KCNIP4: variants seen among roughly 807,000 people sequenced by gnomAD.
KCNIP4 encodes Kv channel-interacting protein 4.
A neutral mutation model predicts 34.0 loss-of-function variants in KCNIP4; 12 were observed. The observed-to-expected ratio is 0.35, with a 90% CI of 0.23 to 0.57. The LOEUF (loss-of-function observed/expected upper bound fraction) is 0.57. Ranked by LOEUF, KCNIP4 falls within the 20% of genes least tolerant of loss-of-function variation. KCNIP4 has a pLI of 0.83. For missense variants in KCNIP4, 238 were observed against 311.7 expected, an observed-to-expected ratio of 0.76 and a Z score of 1.78; for synonymous variants, 124 against 102.2, an observed-to-expected ratio of 1.21 and a Z score of -1.29.
intron 1 of KCNIP4, among the ~76,000 whole-genome samples, chr4:21,706,497 TA>T (rs1484743062): frequency 6.6e-6 from 1 of 152,066 alleles, no homozygotes; most frequent in Non-Finnish European, 1.5e-5. Flanking sequence ...ATATTTCTCC[TA>T]ATTGCATTTT....
chr4:20,861,832 T>G (rs1722228690), intron 2 of KCNIP4, among the ~76,000 whole-genome samples: 1 of 152,104 alleles, frequency 6.6e-6, no homozygotes, highest in South Asian at 2.1e-4. Flanking sequence ...TGAAATAGAT[T>G]GTCTCTACCT....
chr4:21,714,799 A>G (rs1254349744), intron 1 of KCNIP4, among the ~76,000 whole-genome samples: 2 of 4,594 alleles, frequency 4.4e-4, no homozygotes, highest in African/African-American at 2.4e-3. Context: ...ATTTTATTTT[A>G]TTTTATTTTA....
intron 1 of KCNIP4, among the ~76,000 whole-genome samples, chr4:21,864,116 T>C (rs939539249): frequency 2.0e-5 from 3 of 152,222 alleles, no homozygotes; most frequent in Non-Finnish European, 4.4e-5. Context: ...CATGAACTCA[T>C]TGTCATAATA....
At chr4:20,912,308 A>C (rs147077584) in intron 1 of KCNIP4, among the ~76,000 whole-genome samples, 109 of 152,276 alleles carry the variant, frequency 7.2e-4, no homozygotes, top group African/African-American at 2.1e-3. Context: ...CACACACACA[A>C]AAAATTAGAG....
intron 1 of KCNIP4, among the ~76,000 whole-genome samples, chr4:21,636,654 A>G (rs1407418631): frequency 3.9e-5 from 6 of 152,194 alleles, no homozygotes; most frequent in African/African-American, 1.4e-4. Context: ...AAGTTCACCT[A>G]AGAAACTCCC....
At chr4:21,280,928 A>G (rs1762735158) in intron 1 of KCNIP4, among the ~76,000 whole-genome samples, 1 of 152,124 alleles carries the variant, frequency 6.6e-6, no homozygotes, top group Non-Finnish European at 1.5e-5. Context: ...TGCTCCAGTC[A>G]TTATGTTGTT....
At chr4:21,113,720 C>A (rs1334120064) in intron 1 of KCNIP4, among the ~76,000 whole-genome samples, 1 of 152,060 alleles carries the variant, frequency 6.6e-6, no homozygotes, top group Non-Finnish European at 1.5e-5. Context: ...GGATTTTCCA[C>A]AATGTGGAAT....
At chr4:21,701,043 T>C (rs1295847637) in intron 1 of KCNIP4, among the ~76,000 whole-genome samples, 1 of 152,186 alleles carries the variant, frequency 6.6e-6, no homozygotes, top group Non-Finnish European at 1.5e-5. Flanking sequence ...AAATGTGGTA[T>C]ATATACACAT....
intron 1 of KCNIP4, among the ~76,000 whole-genome samples, chr4:21,259,920 T>TGTGTGTGCGC (rs755266993): frequency 6.7e-6 from 1 of 150,078 alleles, no homozygotes; most frequent in African/African-American, 2.5e-5. Flanking sequence ...TGTGTGTGTG[T>TGTGTGTGCGC]GCACGTGCGC....
At chr4:20,871,728 G>T (rs901090312) in intron 2 of KCNIP4, among the ~76,000 whole-genome samples, 5 of 152,058 alleles carry the variant, frequency 3.3e-5, no homozygotes, top group African/African-American at 1.2e-4. Context: ...TCAAACATTT[G>T]CCCAGGGATA....
chr4:21,567,421 C>G (rs895751858), intron 1 of KCNIP4, among the ~76,000 whole-genome samples: 14 of 151,982 alleles, frequency 9.2e-5, no homozygotes, highest in African/African-American at 3.1e-4. Flanking sequence ...CTGCCACCCC[C>G]TCTTTCTTGC....
intron 1 of KCNIP4, among the ~76,000 whole-genome samples, chr4:21,297,102 G>GTATA (rs35254813): frequency 0.068 from 9,749 of 144,202 alleles, 370 homozygotes; most frequent in Middle Eastern, 0.12. Context: ...TCAAATATGT[G>GTATA]TATATATATA....
At chr4:20,915,556 TAAC>T (rs1473005497) in intron 1 of KCNIP4, among the ~76,000 whole-genome samples, 2 of 152,210 alleles carry the variant, frequency 1.3e-5, no homozygotes, top group African/African-American at 4.8e-5. Context: ...GGTTTTTCTA[TAAC>T]AATAATCTAC....
chr4:21,908,404 G>T (rs1268904872), intron 1 of KCNIP4, among the ~76,000 whole-genome samples: 1 of 152,000 alleles, frequency 6.6e-6, no homozygotes, highest in South Asian at 2.1e-4. Flanking sequence ...CAAGCTCCCC[G>T]TCAAGATCAA....
chr4:20,797,899 G>T (rs1384632477), intron 3 of KCNIP4, among the ~76,000 whole-genome samples: 1 of 152,158 alleles, frequency 6.6e-6, no homozygotes, highest in African/African-American at 2.4e-5. Context: ...TGGTTTTGCA[G>T]TTTCTTTGGA....
intron 1 of KCNIP4, among the ~76,000 whole-genome samples, chr4:20,895,954 C>T (rs1365411775): frequency 2.0e-5 from 3 of 152,148 alleles, no homozygotes; most frequent in Non-Finnish European, 4.4e-5. Context: ...CAAGCTGATT[C>T]CTGGTGGGCT....
chr4:20,999,748 G>A (rs75538882), intron 1 of KCNIP4, among the ~76,000 whole-genome samples: 4,137 of 152,100 alleles, frequency 0.027, 176 homozygotes, highest in African/African-American at 0.09. Flanking sequence ...TAGGGCTGGA[G>A]AGGAAAAGAG....
At chr4:21,535,762 C>G (rs1359888143) in intron 1 of KCNIP4, among the ~76,000 whole-genome samples, 1 of 152,146 alleles carries the variant, frequency 6.6e-6, no homozygotes, top group Non-Finnish European at 1.5e-5. Flanking sequence ...GTATCCTAAT[C>G]TCAGGATTCT....
intron 1 of KCNIP4, among the ~76,000 whole-genome samples, chr4:21,396,321 C>G (rs2109533634): frequency 6.6e-6 from 1 of 151,636 alleles, no homozygotes; most frequent in East Asian, 2.0e-4. Context: ...TTTGGGAGAC[C>G]AAGGTGGGTG....
Sources: allele counts gnomAD v4.1 joint callset (sites outside exome capture counted in the v4.1 genomes callset), GRCh38; gene constraint gnomAD v4.1.1; transcripts MANE v1.5; gene names NCBI Gene and HGNC (gene_info 2026-07-23, HGNC 2026-07-21).